BMAL1: variants seen among roughly 807,000 people sequenced by gnomAD.
BMAL1 encodes basic helix-loop-helix ARNT like 1.
chr11:13,369,913 C>G, the BMAL1 span: 1 of 1,029,750 alleles, frequency 9.7e-7, no homozygotes, highest in Non-Finnish European at 1.4e-6. Flanking sequence ...GCAGTCCTCC[C>G]TATGTGTAGG....
the BMAL1 span, among the ~76,000 whole-genome samples, chr11:13,376,095 A>G: frequency 1.3e-5 from 2 of 152,202 alleles, no homozygotes; most frequent in African/African-American, 4.8e-5. Flanking sequence ...TTGGCAATCT[A>G]TGAAAGGCTC....
the BMAL1 span, among the ~76,000 whole-genome samples, chr11:13,363,751 CTT>C: frequency 1.3e-5 from 2 of 152,214 alleles, no homozygotes; most frequent in Non-Finnish European, 2.9e-5. Flanking sequence ...GCCTCTGTGT[CTT>C]TTATTAACCA....
At chr11:13,302,662 G>A in the BMAL1 span, among the ~76,000 whole-genome samples, 1 of 152,126 alleles carries the variant, frequency 6.6e-6, no homozygotes, top group South Asian at 2.1e-4. Flanking sequence ...CTTTTCTTGA[G>A]CTTTGCTGTG....
chr11:13,283,476 A>T, the BMAL1 span, among the ~76,000 whole-genome samples: 1 of 152,180 alleles, frequency 6.6e-6, no homozygotes. Context: ...TCCTTACTTC[A>T]CAAATGAGGT....
chr11:13,312,874 A>G, the BMAL1 span, among the ~76,000 whole-genome samples: 1 of 152,228 alleles, frequency 6.6e-6, no homozygotes, highest in Non-Finnish European at 1.5e-5. Flanking sequence ...GAGGTGAAAC[A>G]GGACAAGGTC....
At chr11:13,321,079 C>T in the BMAL1 span, among the ~76,000 whole-genome samples, 5 of 152,300 alleles carry the variant, frequency 3.3e-5, no homozygotes, top group African/African-American at 1.2e-4. Flanking sequence ...TTTTTCTCTT[C>T]CCTTTTCCCT....
the BMAL1 span, among the ~76,000 whole-genome samples, chr11:13,302,277 A>C: frequency 2.6e-5 from 4 of 152,304 alleles, no homozygotes; most frequent in African/African-American, 9.6e-5. Context: ...GGAGAGGGGC[A>C]GCAGGGTGAC....
chr11:13,385,250 G>A, the BMAL1 span, among the ~76,000 whole-genome samples: 23 of 152,152 alleles, frequency 1.5e-4, no homozygotes, highest in Non-Finnish European at 3.1e-4. Context: ...ATTTACTTCT[G>A]TTTTCTTCAT....
the BMAL1 span, among the ~76,000 whole-genome samples, chr11:13,365,190 C>G: frequency 2.0e-5 from 3 of 151,878 alleles, no homozygotes; most frequent in Admixed American, 2.0e-4. Context: ...ACCATGATAC[C>G]TTCAAAAGAA....
the BMAL1 span, among the ~76,000 whole-genome samples, chr11:13,339,430 T>TACACACACACACACAC: frequency 5.6e-3 from 802 of 144,276 alleles, 13 homozygotes; most frequent in African/African-American, 0.02. Context: ...GCCCTGCTTT[T>TACACACACACACACAC]ACACACACAC....
chr11:13,279,596 G>T, the BMAL1 span, among the ~76,000 whole-genome samples: 2 of 152,036 alleles, frequency 1.3e-5, no homozygotes, highest in Non-Finnish European at 2.9e-5. Flanking sequence ...AAATTCGCTG[G>T]TGTTATATTT....
chr11:13,284,256 ATATATATATATTTTT>A, the BMAL1 span, among the ~76,000 whole-genome samples: 489 of 25,016 alleles, frequency 0.02, 52 homozygotes, highest in African/African-American at 0.082. Flanking sequence ...ATATATATAT[ATATATATATATTTTT>A]TTTTTTAATG....
At chr11:13,374,230 G>T in the BMAL1 span, 2 of 1,590,662 alleles carry the variant, frequency 1.3e-6, no homozygotes, top group Non-Finnish European at 8.6e-7. Flanking sequence ...AAGATCTTAA[G>T]TTGAAAGTGT....
At chr11:13,323,874 C>A in the BMAL1 span, among the ~76,000 whole-genome samples, 7 of 152,160 alleles carry the variant, frequency 4.6e-5, no homozygotes, top group Admixed American at 2.0e-4. Flanking sequence ...GCCTTGGCCT[C>A]CCAAAGTGCT....
chr11:13,365,471 G>A, the BMAL1 span: 2 of 1,594,252 alleles, frequency 1.3e-6, no homozygotes, highest in Non-Finnish European at 1.7e-6. Flanking sequence ...TACAGTATGA[G>A]AAATTGATTA....
chr11:13,284,247 T>C, the BMAL1 span, among the ~76,000 whole-genome samples: 1,570 of 24,686 alleles, frequency 0.064, 150 homozygotes, highest in Non-Finnish European at 0.096. Flanking sequence ...TATATATATA[T>C]ATATATATAT....
At chr11:13,282,389 A>G in the BMAL1 span, among the ~76,000 whole-genome samples, 1 of 152,080 alleles carries the variant, frequency 6.6e-6, no homozygotes, top group Non-Finnish European at 1.5e-5. Context: ...CATTGCAAAC[A>G]CTCAGTGAAT....
chr11:13,326,891 C>T, the BMAL1 span, among the ~76,000 whole-genome samples: 8 of 152,050 alleles, frequency 5.3e-5, no homozygotes, highest in South Asian at 8.3e-4. Context: ...GCGATCTCGG[C>T]TCACTGCAAG....
At chr11:13,323,676 G>A in the BMAL1 span, among the ~76,000 whole-genome samples, 1 of 152,174 alleles carries the variant, frequency 6.6e-6, no homozygotes, top group Non-Finnish European at 1.5e-5. Context: ...GAGTGCAATG[G>A]TATCATCTTG....
Sources: allele counts gnomAD v4.1 joint callset (sites outside exome capture counted in the v4.1 genomes callset), GRCh38; gene constraint gnomAD v4.1.1; transcripts MANE v1.5; gene names NCBI Gene and HGNC (gene_info 2026-07-23, HGNC 2026-07-21).